The following ROBO1 variants were observed in gnomAD, a reference collection of about 807,000 sequenced individuals.
ROBO1 encodes the protein roundabout homolog 1.
In ROBO1, 149 loss-of-function variants were observed where a neutral mutation model predicts 195.9. The ratio of observed to expected loss-of-function variants is 0.76; its 90% CI spans 0.67 to 0.87. The LOEUF is 0.87. Ranked by LOEUF, ROBO1 falls within the 40% of genes least tolerant of loss-of-function variation. The pLI is 0.00. For synonymous variants in ROBO1, 816 were observed against 733.2 expected, an observed-to-expected ratio of 1.11 and a Z score of -1.82; for missense variants, 1,933 against 2,068.3, an observed-to-expected ratio of 0.93 and a Z score of 1.27.
At chr3:78,824,685 TAA>T (rs1378505706) in intron 4 of ROBO1, among the ~76,000 whole-genome samples, 1 of 152,194 alleles carries the variant, frequency 6.6e-6, no homozygotes, top group African/African-American at 2.4e-5. Flanking sequence ...TTAGAATCTA[TAA>T]AAGAAGATTC....
intron 2 of ROBO1, among the ~76,000 whole-genome samples, chr3:79,281,373 G>GTCA (rs1307065662): frequency 6.6e-6 from 1 of 152,080 alleles, no homozygotes; most frequent in Non-Finnish European, 1.5e-5. Flanking sequence ...GTGCAGGTTA[G>GTCA]TCACATATGT....
At position 78,761,895 on chromosome 3, in the gene ROBO1, G is replaced by A. The variant is rs115766443; in HGVS notation, c.500-14995C>T. On this transcript the variant is annotated intron_variant, in intron 4 of 30. Transcript: ENST00000464233. ...CAATGTTGTAACTAGCTTCCTATCA[G>A]CCAAATAATTCTTTCTCACATTGTA... Among the ~76,000 whole-genome samples, 931 of 152,126 alleles carry A rather than the reference G, an allele frequency of 6.1e-3. 11 individuals carry two copies. Among genetic ancestry groups the A allele is most frequent in the African/African-American group, 0.021 (865 of 41,524 alleles).
At chr3:78,835,046 C>T (rs2032585215) in intron 4 of ROBO1, among the ~76,000 whole-genome samples, 1 of 152,068 alleles carries the variant, frequency 6.6e-6, no homozygotes, top group Non-Finnish European at 1.5e-5. Context: ...TTTCGACGGA[C>T]TTTCATAACA....
At chr3:79,689,245 C>T (rs747613589) in intron 1 of ROBO1, among the ~76,000 whole-genome samples, 14 of 151,836 alleles carry the variant, frequency 9.2e-5, no homozygotes, top group Non-Finnish European at 1.8e-4. Context: ...TTAAAATTAA[C>T]AAATGTTCCT....
At chr3:79,329,725 G>A (rs552095065) in intron 2 of ROBO1, among the ~76,000 whole-genome samples, 32 of 152,092 alleles carry the variant, frequency 2.1e-4, no homozygotes, top group Non-Finnish European at 3.7e-4. Flanking sequence ...CTTTATTCAG[G>A]AACTATTGTT....
intron 1 of ROBO1, among the ~76,000 whole-genome samples, chr3:79,605,095 T>C (rs539341918): frequency 1.6e-4 from 24 of 152,144 alleles, no homozygotes; most frequent in African/African-American, 5.8e-4. Flanking sequence ...AGCTAATGAC[T>C]TCCTTTATGC....
chr3:79,707,841 G>T (rs562503075), intron 1 of ROBO1, among the ~76,000 whole-genome samples: 2 of 152,176 alleles, frequency 1.3e-5, no homozygotes, highest in South Asian at 4.1e-4. Context: ...ATTTAACTGA[G>T]CCAGTCAAAA....
intron 2 of ROBO1, among the ~76,000 whole-genome samples, chr3:79,365,813 C>T (rs35790900): frequency 0.014 from 2,163 of 150,726 alleles, 51 homozygotes; most frequent in African/African-American, 0.048. Context: ...AGGAGAATGG[C>T]GTGAACCCAG....
intron 3 of ROBO1, among the ~76,000 whole-genome samples, chr3:78,983,862 T>C (rs1001689719): frequency 2.6e-5 from 4 of 152,234 alleles, no homozygotes; most frequent in Non-Finnish European, 5.9e-5. Flanking sequence ...GATAGGTTTA[T>C]TGAAAGTGAG....
rs1491158378 is a variant in ROBO1 at position 79,575,140 on chromosome 3, A to AT, written c.88+14683_88+14684insA. On this transcript the variant is annotated intron_variant, in intron 2 of 30. Coordinates refer to ENST00000464233, the MANE Select transcript of ROBO1 (RefSeq NM_002941.4). The stretch of plus-strand genomic sequence containing the variant: ...AAATATATATATAAATATATATAAC[A>AT]AATATATAAATATATATATAACAAA... Among the ~76,000 whole-genome samples, 199 of 60,794 alleles carry AT rather than the reference A, an allele frequency of 3.3e-3. 3 individuals are homozygous for AT. Among genetic ancestry groups the AT allele is most frequent in the African/African-American group, 0.019 (153 of 8,114 alleles). The allele number at this position is 60,794 out of a possible 152,430, so 39.9% of individuals were successfully genotyped here.
At chr3:79,189,569 G>T (rs1481239886) in intron 2 of ROBO1, among the ~76,000 whole-genome samples, 1 of 151,588 alleles carries the variant, frequency 6.6e-6, no homozygotes, top group Non-Finnish European at 1.5e-5. Context: ...TTGAGTTAAG[G>T]AATATTTACC....
intron 2 of ROBO1, among the ~76,000 whole-genome samples, chr3:79,215,394 G>A (rs762170266): frequency 8.6e-5 from 13 of 151,944 alleles, no homozygotes; most frequent in Non-Finnish European, 1.5e-4. Flanking sequence ...CCACAGGCAA[G>A]CAGACAGCAT....
intron 1 of ROBO1, among the ~76,000 whole-genome samples, chr3:79,603,317 G>T (rs116173671): frequency 0.018 from 2,692 of 151,992 alleles, 83 homozygotes; most frequent in African/African-American, 0.059. Context: ...CCAGAGAATT[G>T]CTCAAACAAG....
intron 2 of ROBO1, among the ~76,000 whole-genome samples, chr3:79,267,966 T>C (rs1263746239): frequency 1.3e-5 from 2 of 151,658 alleles, no homozygotes; most frequent in African/African-American, 4.8e-5. Flanking sequence ...GATTCATTCA[T>C]CATCCATGGG....
chr3:79,632,486 A>AG (rs2108030540), intron 1 of ROBO1, among the ~76,000 whole-genome samples: 1 of 152,280 alleles, frequency 6.6e-6, no homozygotes, highest in East Asian at 1.9e-4. Flanking sequence ...AGTAGAAGGT[A>AG]GGAGGGTAGT....
chr3:79,306,134 T>C (rs1229527842), intron 2 of ROBO1, among the ~76,000 whole-genome samples: 1 of 152,104 alleles, frequency 6.6e-6, no homozygotes, highest in Non-Finnish European at 1.5e-5. Context: ...AAAAATAATA[T>C]AGGGTGTATT....
intron 1 of ROBO1, among the ~76,000 whole-genome samples, chr3:79,623,825 C>T (rs756803548): frequency 8.5e-5 from 13 of 152,076 alleles, no homozygotes; most frequent in Non-Finnish European, 1.5e-4. Flanking sequence ...GGACAACATG[C>T]AAATTTAGGA....
At chr3:78,916,679 A>G (rs1227765202) in intron 4 of ROBO1, among the ~76,000 whole-genome samples, 2 of 152,136 alleles carry the variant, frequency 1.3e-5, no homozygotes, top group Middle Eastern at 3.4e-3. Flanking sequence ...CTGCAAAATT[A>G]TAGTTGTGAT....
intron 2 of ROBO1, among the ~76,000 whole-genome samples, chr3:79,191,192 T>A (rs912107703): frequency 6.6e-6 from 1 of 151,624 alleles, no homozygotes; most frequent in African/African-American, 2.4e-5. Flanking sequence ...GAAAAATTGT[T>A]TGCCTTGTGA....
Sources: allele counts gnomAD v4.1 joint callset (sites outside exome capture counted in the v4.1 genomes callset), GRCh38; gene constraint gnomAD v4.1.1; transcripts MANE v1.5; gene names NCBI Gene and HGNC (gene_info 2026-07-23, HGNC 2026-07-21).